The following ATP8A1 variants were observed in gnomAD, a reference collection of about 807,000 sequenced individuals.
ATP8A1 encodes phospholipid-transporting ATPase IA.
A neutral mutation model predicts 177.7 loss-of-function variants in ATP8A1; 90 were observed. The ratio of observed to expected loss-of-function variants is 0.51; its 90% CI spans 0.43 to 0.60. The LOEUF is 0.60. Ranked by LOEUF, ATP8A1 falls within the 20% of genes least tolerant of loss-of-function variation. The probability of loss-of-function intolerance (pLI) is 0.00; values close to 1 mark genes in which losing one functional copy is unlikely to be tolerated. For missense variants in ATP8A1, 1,072 were observed against 1,392.8 expected (o/e 0.77, Z 3.67); for synonymous variants, 493 against 485.9 (o/e 1.01, Z -0.19).
chr4:42,555,857 AAAGATC>A, intron 16 of ATP8A1, 105 bp downstream of exon 16: 14 of 718,442 alleles, frequency 1.9e-5, no homozygotes, highest in Non-Finnish European at 2.9e-5. Context: ...TAAATAAATA[AAAGATC>A]ATGAAAGTAA....
At chr4:42,443,926 C>G (rs1297924679) in intron 32 of ATP8A1, among the ~76,000 whole-genome samples, 1 of 152,120 alleles carries the variant, frequency 6.6e-6, no homozygotes, top group African/African-American at 2.4e-5. Context: ...GTTTTCTCCT[C>G]TTACGCTTAC....
intron 22 of ATP8A1, among the ~76,000 whole-genome samples, chr4:42,517,166 T>G (rs1407136476): frequency 6.6e-6 from 1 of 151,482 alleles, no homozygotes; most frequent in Admixed American, 6.6e-5. Context: ...CTGGGTGTGG[T>G]GGCGGGCGCC....
At chr4:42,428,309 T>C (rs1714860371) in intron 33 of ATP8A1, among the ~76,000 whole-genome samples, 1 of 152,174 alleles carries the variant, frequency 6.6e-6, no homozygotes, top group Non-Finnish European at 1.5e-5. Context: ...CACAGGCACC[T>C]CAAACCTCAC....
intron 27 of ATP8A1, among the ~76,000 whole-genome samples, chr4:42,462,104 C>A (rs924529372): frequency 2.0e-5 from 3 of 152,136 alleles, no homozygotes; most frequent in Admixed American, 6.5e-5. Flanking sequence ...GGAAGCAGAG[C>A]ATAAAAGTTC....
intron 36 of ATP8A1, 66 bp from the exon 37 acceptor site, chr4:42,413,079 T>G: frequency 7.4e-7 from 1 of 1,353,530 alleles, no homozygotes; most frequent in East Asian, 2.4e-5. Flanking sequence ...TTCTGACTTT[T>G]GGGTATTCAT....
At chr4:42,584,453 A>T (rs866884784) in intron 9 of ATP8A1, among the ~76,000 whole-genome samples, 1 of 152,168 alleles carries the variant, frequency 6.6e-6, no homozygotes, top group African/African-American at 2.4e-5. Context: ...AATCAATTTC[A>T]ATGATCTCCA....
At chr4:42,638,829 T>C (rs1739647128) in intron 1 of ATP8A1, among the ~76,000 whole-genome samples, 1 of 151,982 alleles carries the variant, frequency 6.6e-6, no homozygotes, top group South Asian at 2.1e-4. Context: ...CTCAATTAGC[T>C]TAAAGCACCA....
chr4:42,536,664 A>G (rs1560433037), intron 20 of ATP8A1, among the ~76,000 whole-genome samples: 1 of 152,222 alleles, frequency 6.6e-6, no homozygotes, highest in African/African-American at 2.4e-5. Flanking sequence ...ACAGACCGAT[A>G]TCCCTGATGA....
intron 20 of ATP8A1, among the ~76,000 whole-genome samples, chr4:42,532,511 A>G (rs1727375138): frequency 6.6e-6 from 1 of 151,914 alleles, no homozygotes; most frequent in African/African-American, 2.4e-5. Flanking sequence ...AAGGTGACAC[A>G]AAAAAAATAG....
intron 4 of ATP8A1, among the ~76,000 whole-genome samples, chr4:42,620,913 G>A (rs1302637752): frequency 1.3e-5 from 2 of 152,034 alleles, no homozygotes; most frequent in Non-Finnish European, 2.9e-5. Flanking sequence ...CTTTAAAATT[G>A]GGTTAACATC....
At chr4:42,451,247 C>T (rs1052422371) in intron 30 of ATP8A1, among the ~76,000 whole-genome samples, 1 of 152,090 alleles carries the variant, frequency 6.6e-6, no homozygotes, top group African/African-American at 2.4e-5. Context: ...GTAGGTATGG[C>T]CTGTACTTAT....
intron 21 of ATP8A1, among the ~76,000 whole-genome samples, chr4:42,522,854 C>T (rs1010097980): frequency 6.6e-6 from 1 of 152,160 alleles, no homozygotes; most frequent in South Asian, 2.1e-4. Flanking sequence ...ACTCCTACAG[C>T]GTGAGTGACA....
chr4:42,562,599 C>A (rs894259237), intron 15 of ATP8A1, among the ~76,000 whole-genome samples: 3 of 152,168 alleles, frequency 2.0e-5, no homozygotes, highest in Non-Finnish European at 4.4e-5. Context: ...CTGGTTTTGA[C>A]CAAAGTAATG....
At chr4:42,487,987 C>T (rs1722366765) in intron 24 of ATP8A1, among the ~76,000 whole-genome samples, 2 of 152,118 alleles carry the variant, frequency 1.3e-5, no homozygotes, top group African/African-American at 4.8e-5. Flanking sequence ...ATTTACAAGC[C>T]TCACCCTCCT....
intron 1 of ATP8A1, among the ~76,000 whole-genome samples, chr4:42,629,598 A>G (rs1244918943): frequency 6.6e-6 from 1 of 152,204 alleles, no homozygotes; most frequent in Non-Finnish European, 1.5e-5. Flanking sequence ...AGAATGTTTG[A>G]AGGCCAGAGA....
At chr4:42,414,546 C>A in intron 36 of ATP8A1, 81 bp downstream of exon 36, 1 of 1,239,804 alleles carries the variant, frequency 8.1e-7, no homozygotes, top group Non-Finnish European at 1.2e-6. Context: ...ATAAATATCC[C>A]TAAAGTCAGG....
chr4:42,479,333 A>G (rs1721416711), intron 25 of ATP8A1, among the ~76,000 whole-genome samples: 1 of 152,208 alleles, frequency 6.6e-6, no homozygotes, highest in South Asian at 2.1e-4. Flanking sequence ...TGCTCAAAAC[A>G]CCAAGCCCTT....
At chr4:42,503,069 A>AT (rs1249776461) in intron 24 of ATP8A1, among the ~76,000 whole-genome samples, 1 of 152,204 alleles carries the variant, frequency 6.6e-6, no homozygotes, top group African/African-American at 2.4e-5. Flanking sequence ...TAGCTTTCAC[A>AT]TTTTTTTAGA....
intron 24 of ATP8A1, among the ~76,000 whole-genome samples, chr4:42,490,310 C>A (rs1401972398): frequency 6.6e-6 from 1 of 152,174 alleles, no homozygotes; most frequent in African/African-American, 2.4e-5. Flanking sequence ...GGTTCTGTCT[C>A]GTTAACACAG....
Sources: gnomAD v4.1 joint callset for allele counts (sites outside exome capture counted in the v4.1 genomes callset) on GRCh38, gnomAD v4.1.1 for gene constraint, MANE v1.5 for transcripts, NCBI Gene and HGNC (gene_info 2026-07-23, HGNC 2026-07-21) for gene names.